Variants in WSCD2 observed in about 807,000 individuals in gnomAD.
WSCD2 encodes WSC domain sialate O sulfotransferase 2, also known as sialate:O-sulfotransferase 2.
WSCD2 carries 28 observed loss-of-function variants against 55.7 expected under a neutral mutation model. The observed-to-expected ratio is 0.50, with a 90% CI of 0.37 to 0.69. The LOEUF (loss-of-function observed/expected upper bound fraction) is 0.69. Ranked by LOEUF, WSCD2 falls within the 30% of genes least tolerant of loss-of-function variation. The pLI is 0.00. For synonymous variants in WSCD2, 301 were observed against 301.9 expected (o/e 1.00, Z 0.03); for missense variants, 616 against 762.1 (o/e 0.81, Z 2.26).
At chr12:108,181,349 T>C (rs1245959907) in intron 1 of WSCD2, among the ~76,000 whole-genome samples, 2 of 152,162 alleles carry the variant, frequency 1.3e-5, no homozygotes, top group Non-Finnish European at 2.9e-5. Context: ...CAAAGACCTA[T>C]TAATGTTGGG....
intron 3 of WSCD2, among the ~76,000 whole-genome samples, chr12:108,209,014 G>C (rs1159703966): frequency 6.6e-6 from 1 of 152,212 alleles, no homozygotes; most frequent in Non-Finnish European, 1.5e-5. Flanking sequence ...GCTCCCTCAA[G>C]CCTCTTTTAT....
At chr12:108,215,054 G>C (rs779592501) in intron 4 of WSCD2, among the ~76,000 whole-genome samples, 5 of 152,180 alleles carry the variant, frequency 3.3e-5, no homozygotes, top group African/African-American at 9.6e-5. Flanking sequence ...TGCTAGACCT[G>C]GAGGCTTCTT....
rs1480674168 is a variant in WSCD2 at position 108,250,036 on chromosome 12, G to A, written c.*1693G>A. 1 of 152,450 alleles carries A rather than the reference G, an allele frequency of 6.6e-6. No homozygotes were observed. The highest frequency in any genetic ancestry group is 1.5e-5 in the Non-Finnish European group (1 of 68,046). The allele number at this position is 152,450 out of a possible 1,614,324, so 9.4% of individuals were successfully genotyped here. On this transcript the variant is annotated 3_prime_UTR_variant, in exon 9 of 9. Transcript: ENST00000547525. ...CAAGACCTGGGTCAGTTCTTTGCTG[G>A]TGGTCCCCTCTGACCACAAGCTTCT...
At chr12:108,154,059 T>G (rs554173709) in intron 1 of WSCD2, among the ~76,000 whole-genome samples, 37 of 152,264 alleles carry the variant, frequency 2.4e-4, no homozygotes, top group African/African-American at 6.7e-4. Context: ...TGTTACTGAT[T>G]TAGAGAAAGC....
chr12:108,238,753 A>G (rs1471792963), intron 7 of WSCD2, among the ~76,000 whole-genome samples: 1 of 152,202 alleles, frequency 6.6e-6, no homozygotes, highest in African/African-American at 2.4e-5. Context: ...GCTTACTACA[A>G]TAACATTTCT....
intron 2 of WSCD2, chr12:108,196,469 G>T: frequency 2.0e-6 from 1 of 494,212 alleles, no homozygotes; most frequent in Non-Finnish European, 3.5e-6. Context: ...ATCTATCAGA[G>T]GTCAAAGTCT....
At chr12:108,153,457 GCTGCGT>G (rs568402071) in intron 1 of WSCD2, among the ~76,000 whole-genome samples, 112 of 152,296 alleles carry the variant, frequency 7.4e-4, no homozygotes, top group African/African-American at 2.7e-3. Context: ...ACTTGTCTGT[GCTGCGT>G]CTGCATTTTC....
chr12:108,186,486 C>T (rs563980724), intron 1 of WSCD2, among the ~76,000 whole-genome samples: 1 of 152,324 alleles, frequency 6.6e-6, no homozygotes, highest in Non-Finnish European at 1.5e-5. Flanking sequence ...GTTTCACTGT[C>T]CTAAAAATCC....
intron 8 of WSCD2, 122 bp from the exon 9 acceptor site, chr12:108,247,869 G>A (rs1378011277): frequency 8.9e-7 from 1 of 1,128,126 alleles, no homozygotes; most frequent in Non-Finnish European, 1.3e-6. Flanking sequence ...TATTATTACA[G>A]TTAATTGTTA....
At chr12:108,158,638 G>A (rs957923468) in intron 1 of WSCD2, among the ~76,000 whole-genome samples, 1 of 152,120 alleles carries the variant, frequency 6.6e-6, no homozygotes, top group African/African-American at 2.4e-5. Flanking sequence ...TGGCAATGAT[G>A]CTTCTCTCAC....
At chr12:108,224,692 C>A (rs1307950031) in intron 4 of WSCD2, 47 bp from the exon 5 acceptor site, 5 of 1,586,812 alleles carry the variant, frequency 3.2e-6, no homozygotes, top group Non-Finnish European at 4.3e-6. Context: ...CCAACCAGAT[C>A]TGACTCCTTG....
At chr12:108,152,418 C>T (rs571255177) in intron 1 of WSCD2, among the ~76,000 whole-genome samples, 1 of 152,306 alleles carries the variant, frequency 6.6e-6, no homozygotes, top group East Asian at 1.9e-4. Context: ...CCACAGGCTC[C>T]AGCCAGGCGC....
chr12:108,238,138 T>C (rs1022592221), intron 7 of WSCD2, among the ~76,000 whole-genome samples: 2 of 152,260 alleles, frequency 1.3e-5, no homozygotes, highest in African/African-American at 4.8e-5. Context: ...TAAATGTTTA[T>C]GTCTGAAGCT....
At chr12:108,232,006 G>C (rs1201500993) in intron 6 of WSCD2, among the ~76,000 whole-genome samples, 2 of 152,162 alleles carry the variant, frequency 1.3e-5, no homozygotes, top group African/African-American at 4.8e-5. Flanking sequence ...AGGCAGGTAG[G>C]AGGCAATGGA....
At chr12:108,164,069 A>G (rs1879348785) in intron 1 of WSCD2, among the ~76,000 whole-genome samples, 1 of 145,772 alleles carries the variant, frequency 6.9e-6, no homozygotes, top group Non-Finnish European at 1.5e-5. Context: ...AGGACCCATG[A>G]CAGAGTGGTT....
chr12:108,159,932 T>C (rs1334380236), intron 1 of WSCD2, among the ~76,000 whole-genome samples: 1 of 152,208 alleles, frequency 6.6e-6, no homozygotes, highest in Non-Finnish European at 1.5e-5. Flanking sequence ...GCTCCTGAGG[T>C]TTCCCCCTGT....
chr12:108,243,685 C>A (rs1199257574), intron 8 of WSCD2, among the ~76,000 whole-genome samples: 1 of 152,176 alleles, frequency 6.6e-6, no homozygotes, highest in Non-Finnish European at 1.5e-5. Flanking sequence ...AAATGTCAGG[C>A]CCTATCCCAG....
chr12:108,224,172 T>C (rs1887823994), intron 4 of WSCD2, among the ~76,000 whole-genome samples: 1 of 152,220 alleles, frequency 6.6e-6, no homozygotes, highest in Non-Finnish European at 1.5e-5. Flanking sequence ...GGATTGCCTC[T>C]GACATGTCAG....
Position 108,234,155 on chromosome 12 carries a change from TAAC to T in WSCD2, c.1144+1263_1144+1265del, listed in dbSNP as rs201689501. On this transcript the variant is annotated intron_variant, in intron 7 of 8. Coordinates refer to ENST00000547525, the MANE Select transcript of WSCD2 (RefSeq NM_014653.4). ...TGATGAGCTAAAAATAAAATAAAAA[TAAC>T]AAAAAAATCTAATAATGTTTTAAGA... is the stretch of plus-strand genomic sequence containing the variant. 8.5e-4 allele frequency among the ~76,000 whole-genome samples: 129 copies of T among 152,244 alleles called. 1 individual carries two copies. The East Asian group carries it at 0.021, about 24-fold the overall frequency.
Sources: gnomAD v4.1 joint callset for allele counts (sites outside exome capture counted in the v4.1 genomes callset) on GRCh38, gnomAD v4.1.1 for gene constraint, MANE v1.5 for transcripts, NCBI Gene and HGNC (gene_info 2026-07-23, HGNC 2026-07-21) for gene names.